Variants in NELL1 observed in about 807,000 individuals in gnomAD.
NELL1 encodes neural EGFL like 1, also known as protein kinase C-binding protein NELL1.
Under a neutral mutation model 107.4 loss-of-function variants are expected in NELL1, and 76 were observed. The ratio of observed to expected loss-of-function variants is 0.71; its 90% CI spans 0.59 to 0.86. NELL1 has a LOEUF of 0.86. Among genes scored for constraint, NELL1 ranks in the 40% least tolerant of loss-of-function variants. The probability of loss-of-function intolerance (pLI) is 0.00; values close to 1 mark genes in which losing one functional copy is unlikely to be tolerated. For missense variants in NELL1, 1,024 were observed against 1,005.5 expected, an observed-to-expected ratio of 1.02 and a Z score of -0.25; for synonymous variants, 353 against 341.2, an observed-to-expected ratio of 1.03 and a Z score of -0.38.
In NELL1 at chr11:21,262,971, A is replaced by G. The variant is rs145824394; in HGVS notation, c.1549+33517A>G. On this transcript the variant is annotated intron_variant, in intron 14 of 19. Transcript: ENST00000357134. ...TACATATATTTGTCATTTTCTTCTA[A>G]TATCTGGAGACTTCGTTCACTTTAT... 1.5e-3 allele frequency among the ~76,000 whole-genome samples: 225 copies of G among 151,816 alleles called. 1 individual carries two copies. Among genetic ancestry groups the G allele is most frequent in the African/African-American group, 5.2e-3 (214 of 41,446 alleles).
At chr11:21,246,748 A>G (rs1380532830) in intron 14 of NELL1, among the ~76,000 whole-genome samples, 1 of 152,202 alleles carries the variant, frequency 6.6e-6, no homozygotes, top group Non-Finnish European at 1.5e-5. Flanking sequence ...TGGGTAATTT[A>G]TAAAGAAAAA....
intron 12 of NELL1, among the ~76,000 whole-genome samples, chr11:21,033,333 C>A (rs1853007371): frequency 6.6e-6 from 1 of 152,042 alleles, no homozygotes; most frequent in African/African-American, 2.4e-5. Flanking sequence ...GGTAAATGTG[C>A]AAGTTTGATA....
intron 12 of NELL1, among the ~76,000 whole-genome samples, chr11:20,983,816 G>A (rs137959709): frequency 2.6e-5 from 4 of 152,120 alleles, no homozygotes; most frequent in East Asian, 3.9e-4. Flanking sequence ...TTTTGCCCTC[G>A]TGGCCTTGGT....
At chr11:21,411,875 T>C (rs1257828573) in intron 15 of NELL1, among the ~76,000 whole-genome samples, 1 of 152,078 alleles carries the variant, frequency 6.6e-6, no homozygotes, top group Non-Finnish European at 1.5e-5. Flanking sequence ...CTTTAAGTGT[T>C]GGCTGTGAGA....
chr11:21,437,539 A>G (rs1853154753), intron 15 of NELL1, among the ~76,000 whole-genome samples: 1 of 152,024 alleles, frequency 6.6e-6, no homozygotes, highest in African/African-American at 2.4e-5. Context: ...TTGTATTTTT[A>G]GTAGAGATGG....
chr11:21,080,974 T>C (rs895702969), intron 12 of NELL1, among the ~76,000 whole-genome samples: 19 of 152,042 alleles, frequency 1.2e-4, no homozygotes, highest in African/African-American at 4.3e-4. Context: ...AGCCTTTTTT[T>C]TTAAACAGGA....
chr11:21,154,904 C>T (rs769769378), intron 13 of NELL1, among the ~76,000 whole-genome samples: 2 of 152,130 alleles, frequency 1.3e-5, no homozygotes, highest in Non-Finnish European at 2.9e-5. Context: ...TAGGCCATGG[C>T]ATAAACAAGC....
chr11:20,721,633 A>G (rs72938768), intron 2 of NELL1, among the ~76,000 whole-genome samples: 16,769 of 152,246 alleles, frequency 0.11, 1,078 homozygotes, highest in Non-Finnish European at 0.15. Flanking sequence ...GGAAAGTACA[A>G]TTCTCCTCTA....
intron 4 of NELL1, among the ~76,000 whole-genome samples, chr11:20,874,715 T>C (rs1402880936): frequency 6.6e-6 from 1 of 152,086 alleles, no homozygotes; most frequent in Non-Finnish European, 1.5e-5. Context: ...CTTCCAGGAG[T>C]GCCCCTTCCC....
At chr11:21,409,118 A>G (rs565918823) in intron 15 of NELL1, among the ~76,000 whole-genome samples, 4 of 152,268 alleles carry the variant, frequency 2.6e-5, no homozygotes, top group Non-Finnish European at 5.9e-5. Flanking sequence ...GCTGCTATAA[A>G]GAAACATGCA....
At chr11:21,562,399 G>T (rs1178580728) in intron 17 of NELL1, among the ~76,000 whole-genome samples, 2 of 151,856 alleles carry the variant, frequency 1.3e-5, no homozygotes, top group African/African-American at 2.4e-5. Flanking sequence ...AGTACAGGCA[G>T]ATTTCTGTAC....
At chr11:21,204,059 A>G (rs1422862542) in intron 13 of NELL1, among the ~76,000 whole-genome samples, 2 of 151,750 alleles carry the variant, frequency 1.3e-5, no homozygotes, top group African/African-American at 4.8e-5. Flanking sequence ...CCTTCATTTC[A>G]TCCTTGGTGA....
Position 21,237,518 on chromosome 11 carries a change from G to A in NELL1, c.1549+8064G>A, listed in dbSNP as rs187439168. ...TTTTTTCTCTTGTTAGAATGCCCAC[G>A]TGTAATATCATTAAATATTTTTTAC... On this transcript the variant is annotated intron_variant, in intron 14 of 19. Coordinates refer to ENST00000357134, the MANE Select transcript of NELL1 (RefSeq NM_006157.5). 6.6e-5 allele frequency among the ~76,000 whole-genome samples: 10 copies of A among 151,964 alleles called. No homozygotes were observed. The East Asian group carries it at 1.4e-3, about 21-fold the overall frequency.
intron 12 of NELL1, among the ~76,000 whole-genome samples, chr11:20,978,573 C>T (rs746904724): frequency 1.3e-5 from 2 of 152,136 alleles, no homozygotes; most frequent in Non-Finnish European, 2.9e-5. Context: ...TTGGGCAACT[C>T]TTATTTTACA....
chr11:21,076,772 A>G (rs1169891458), intron 12 of NELL1, among the ~76,000 whole-genome samples: 4 of 152,082 alleles, frequency 2.6e-5, no homozygotes, highest in African/African-American at 9.7e-5. Context: ...TTGCTTTATT[A>G]GTTTCCATGA....
At chr11:20,768,565 T>G (rs939844728) in intron 2 of NELL1, among the ~76,000 whole-genome samples, 1 of 152,244 alleles carries the variant, frequency 6.6e-6, no homozygotes, top group Non-Finnish European at 1.5e-5. Flanking sequence ...TAAAAGGGAC[T>G]TTGCAGATGT....
At chr11:20,878,086 C>T (rs192889993) in intron 4 of NELL1, among the ~76,000 whole-genome samples, 29 of 152,124 alleles carry the variant, frequency 1.9e-4, no homozygotes, top group Admixed American at 2.0e-4. Flanking sequence ...TTGGGCCGGG[C>T]GCGGTGGCTC....
intron 11 of NELL1, among the ~76,000 whole-genome samples, chr11:20,954,977 A>G (rs960883172): frequency 5.9e-5 from 9 of 152,236 alleles, no homozygotes; most frequent in African/African-American, 2.2e-4. Context: ...AACACAGACA[A>G]GGAATACGTG....
chr11:20,869,794 C>G (rs1363900539), intron 4 of NELL1, among the ~76,000 whole-genome samples: 1 of 152,110 alleles, frequency 6.6e-6, no homozygotes, highest in Non-Finnish European at 1.5e-5. Flanking sequence ...GTGGTCATGC[C>G]AAGACTTATC....
Sources: allele counts gnomAD v4.1 joint callset (sites outside exome capture counted in the v4.1 genomes callset), GRCh38; gene constraint gnomAD v4.1.1; transcripts MANE v1.5; gene names NCBI Gene and HGNC (gene_info 2026-07-23, HGNC 2026-07-21).